Variants in DPY19L3 observed in about 807,000 individuals in gnomAD.
DPY19L3 encodes protein C-mannosyl-transferase DPY19L3.
A neutral mutation model predicts 92.3 loss-of-function variants in DPY19L3; 51 were observed. The ratio of observed to expected loss-of-function variants is 0.55; its 90% CI spans 0.44 to 0.70. DPY19L3 has a LOEUF of 0.70. Among genes scored for constraint, DPY19L3 ranks in the 30% least tolerant of loss-of-function variants. The pLI is 0.00. For missense variants in DPY19L3, 706 were observed against 855.9 expected (o/e 0.82, Z 2.18); for synonymous variants, 309 against 315.2 (o/e 0.98, Z 0.21).
chr19:32,470,562 A>G (rs1970326399), intron 16 of DPY19L3, among the ~76,000 whole-genome samples: 1 of 152,192 alleles, frequency 6.6e-6, no homozygotes, highest in South Asian at 2.1e-4. Flanking sequence ...GACTAGATAT[A>G]TTTATTTGTA....
intron 7 of DPY19L3, 72 bp downstream of exon 7, chr19:32,439,307 G>C: frequency 6.7e-7 from 1 of 1,496,374 alleles, no homozygotes; most frequent in Non-Finnish European, 9.1e-7. Flanking sequence ...AATGTGATGT[G>C]CTTAGTATCC....
intron 5 of DPY19L3, 67 bp from the exon 6 acceptor site, chr19:32,437,126 TG>T: frequency 6.3e-7 from 1 of 1,582,310 alleles, no homozygotes; most frequent in Non-Finnish European, 8.6e-7. Context: ...CCTACTGTCA[TG>T]TTTTAAATGG....
chr19:32,419,380 C>G (rs1240511987), intron 3 of DPY19L3, among the ~76,000 whole-genome samples: 1 of 152,018 alleles, frequency 6.6e-6, no homozygotes, highest in Non-Finnish European at 1.5e-5. Context: ...CCAGGATGGT[C>G]TGGGTCTCCT....
intron 2 of DPY19L3, among the ~76,000 whole-genome samples, chr19:32,409,304 C>T (rs1968094880): frequency 1.3e-5 from 2 of 152,226 alleles, no homozygotes; most frequent in African/African-American, 2.4e-5. Flanking sequence ...AAATTGGGAT[C>T]CACGTGCTGT....
chr19:32,406,148 C>T (rs967322791), intron 1 of DPY19L3: 9 of 151,494 alleles, frequency 5.9e-5, no homozygotes, highest in Admixed American at 2.0e-4. Flanking sequence ...GGCTTCTGCT[C>T]GTCGGCCGTG....
At chr19:32,463,618 A>G (rs765855652) in intron 13 of DPY19L3, 130 bp downstream of exon 13, 58 of 1,130,126 alleles carry the variant, frequency 5.1e-5, no homozygotes, top group Middle Eastern at 3.0e-4. Context: ...CTTATATCCT[A>G]TCTTCTCTCA....
chr19:32,471,760 GTTCTT>G lies in DPY19L3; in HGVS notation c.1697+2955_1697+2959del, dbSNP rs551982214. On this transcript the variant is annotated intron_variant, in intron 16 of 18. Coordinates refer to ENST00000392250, the MANE Select transcript of DPY19L3 (RefSeq NM_001172774.2). The stretch of plus-strand genomic sequence containing the variant: ...GATGTGGTTGCCTCAGTGGGAGTTG[GTTCTT>G]TTCTTTTTTATAGGCTGAAGAGATA... 1.1e-4 allele frequency among the ~76,000 whole-genome samples: 17 copies of G among 152,202 alleles called. No homozygotes were observed. In the East Asian group the frequency reaches 3.3e-3, roughly 29 times the overall value.
intron 4 of DPY19L3, among the ~76,000 whole-genome samples, chr19:32,435,822 G>A (rs950514002): frequency 2.6e-5 from 4 of 152,234 alleles, no homozygotes; most frequent in Non-Finnish European, 4.4e-5. Context: ...CTCTGTGGCT[G>A]TGGATCTCTG....
At position 32,439,877 on chromosome 19, in the gene DPY19L3, A is replaced by G. The variant is rs1377281785; in HGVS notation, c.822A>G (p.Thr274=). ...TGATGCAAGCATTAGTGCTGTTCAC[A>G]CTGGACTCCCTGGACATGCTGCCAG... is the stretch of plus-strand genomic sequence containing the variant. ...MMLMQALVLF[T]LDSLDMLPAV... The change falls in exon 8 of 19, where the codon ACA becomes ACG. Residue 274 remains threonine (T), a synonymous_variant. Transcript: ENST00000392250. 8.1e-6 allele frequency: 13 copies of G among 1,613,730 alleles called. No individual in the cohort carries two copies. Among genetic ancestry groups the G allele is most frequent in the Non-Finnish European group, 1.1e-5 (13 of 1,179,824 alleles).
At position 32,457,645 on chromosome 19, in the gene DPY19L3, T is replaced by C. The variant is rs112369220; in HGVS notation, c.1090-455T>C. ...CCTTCAGGGTTACAACTGTCTTGAA[T>C]TGTCTTTGAGTGAATAAGTCTTGGA... On this transcript the variant is annotated intron_variant, in intron 10 of 18. Coordinates refer to ENST00000392250, the MANE Select transcript of DPY19L3 (RefSeq NM_001172774.2). Among the ~76,000 whole-genome samples, 65 of 152,318 alleles carry C rather than the reference T, an allele frequency of 4.3e-4. 2 individuals are homozygous for C. The highest frequency in any genetic ancestry group is 1.5e-3 in the African/African-American group (63 of 41,572).
In DPY19L3 at chr19:32,477,155, G is replaced by A. The variant is rs191092514; in HGVS notation, c.1698-367G>A. Among the ~76,000 whole-genome samples the A allele has an allele frequency of 1.2e-4, 19 of 152,286 alleles. No individual in the cohort carries two copies. In the East Asian group the frequency reaches 3.5e-3, roughly 28 times the overall value. ...TCTTGGCCTAGAAGCCTGGACTCAA[G>A]AGCTACACTGCCTGCCTTCTAAGAC... On this transcript the variant is annotated intron_variant, in intron 16 of 18. Transcript: ENST00000392250.
intron 3 of DPY19L3, chr19:32,413,101 A>C (rs1413735529): frequency 6.6e-6 from 1 of 152,188 alleles, no homozygotes; most frequent in African/African-American, 2.4e-5. Context: ...CTTACATTTT[A>C]ATCTAATATG....
chr19:32,417,760 C>T (rs1968427312), intron 3 of DPY19L3, among the ~76,000 whole-genome samples: 1 of 152,160 alleles, frequency 6.6e-6, no homozygotes, highest in South Asian at 2.1e-4. Flanking sequence ...CTCCATTAAA[C>T]CTCTTTCCTT....
At chr19:32,475,612 G>A (rs1381256244) in intron 16 of DPY19L3, among the ~76,000 whole-genome samples, 1 of 152,222 alleles carries the variant, frequency 6.6e-6, no homozygotes, top group Non-Finnish European at 1.5e-5. Context: ...TACACTCTAG[G>A]TAAGGGTAGC....
At chr19:32,421,284 A>C (rs1217327242) in intron 3 of DPY19L3, among the ~76,000 whole-genome samples, 1 of 152,192 alleles carries the variant, frequency 6.6e-6, no homozygotes, top group Non-Finnish European at 1.5e-5. Context: ...AAAATAGATA[A>C]TCAAGTTCCA....
chr19:32,431,522 G>A (rs1968968207), intron 3 of DPY19L3, among the ~76,000 whole-genome samples: 4 of 152,106 alleles, frequency 2.6e-5, no homozygotes, highest in Admixed American at 2.6e-4. Flanking sequence ...ACTTTTACAG[G>A]TACAGGTTAA....
chr19:32,470,035 G>A (rs1970310069), intron 16 of DPY19L3, among the ~76,000 whole-genome samples: 1 of 152,200 alleles, frequency 6.6e-6, no homozygotes. Flanking sequence ...GTCAGTGCTT[G>A]ACAGCTGAGG....
At position 32,485,730 on chromosome 19, in the gene DPY19L3, C is replaced by T. The variant is rs1970780247; in HGVS notation, c.*3490C>T. The T allele has an allele frequency of 6.6e-6, 1 of 152,106 alleles. No individual in the cohort carries two copies. Among genetic ancestry groups the T allele is most frequent in the Non-Finnish European group, 1.5e-5 (1 of 68,000 alleles). The allele number at this position is 152,106 out of a possible 1,614,324, so 9.4% of individuals were successfully genotyped here. The stretch of plus-strand genomic sequence containing the variant: ...CTTTTGGCCTAAGAGAATGTTTGTT[C>T]ATGGAAAAAAGCTTTTGAGATGAGA... On this transcript the variant is annotated 3_prime_UTR_variant, in exon 19 of 19. Transcript: ENST00000392250.
At chr19:32,460,894 A>G (rs4805761) in intron 12 of DPY19L3, among the ~76,000 whole-genome samples, 134,552 of 152,042 alleles carry the variant, frequency 0.88, 59,795 homozygotes, top group African/African-American at 0.97. Flanking sequence ...TTTGAAATGC[A>G]TCTCGCTCTT....
Sources: gnomAD v4.1 joint callset for allele counts (sites outside exome capture counted in the v4.1 genomes callset) on GRCh38, gnomAD v4.1.1 for gene constraint, MANE v1.5 for transcripts, NCBI Gene and HGNC (gene_info 2026-07-23, HGNC 2026-07-21) for gene names.